RBFOX1: variants seen among roughly 807,000 people sequenced by gnomAD.
The protein encoded by RBFOX1 is RNA binding fox-1 homolog 1.
A neutral mutation model predicts 57.7 loss-of-function variants in RBFOX1; 8 were observed. The observed-to-expected ratio is 0.14, with a 90% CI of 0.08 to 0.25. The LOEUF is 0.25. Among genes scored for constraint, RBFOX1 ranks in the 10% least tolerant of loss-of-function variants. The pLI is 1.00. For synonymous variants in RBFOX1, 326 were observed against 222.4 expected (o/e 1.47, Z -4.15); for missense variants, 611 against 548.5 (o/e 1.11, Z -1.14).
chr16:7,601,160 G>A (rs4426364), intron 9 of RBFOX1, among the ~76,000 whole-genome samples: 152,136 of 152,304 alleles, frequency 1, 75,988 homozygotes, highest in Middle Eastern at 1. Context: ...AACATATTCA[G>A]CGCTCCAGAG....
At chr16:7,463,434 G>A (rs561195703) in intron 4 of RBFOX1, among the ~76,000 whole-genome samples, 3 of 152,296 alleles carry the variant, frequency 2.0e-5, no homozygotes, top group Admixed American at 6.5e-5. Flanking sequence ...AACCCGGGAC[G>A]TAGGGGTTGC....
At chr16:6,823,250 C>CTT (rs1231519052) in intron 3 of RBFOX1, among the ~76,000 whole-genome samples, 1 of 144,104 alleles carries the variant, frequency 6.9e-6, no homozygotes, top group Admixed American at 7.0e-5. Context: ...GTTTTGTTTT[C>CTT]TTTTTTTTTT....
intron 2 of RBFOX1, among the ~76,000 whole-genome samples, chr16:6,356,232 A>G (rs2087292190): frequency 6.6e-6 from 1 of 152,188 alleles, no homozygotes. Flanking sequence ...AGAGTACAGC[A>G]TGGAGAAGGG....
chr16:6,676,944 G>A lies in RBFOX1; in HGVS notation c.-16+22294G>A, dbSNP rs144165485. Among the ~76,000 whole-genome samples, 888 of 151,966 alleles carry A rather than the reference G, an allele frequency of 5.8e-3. 7 individuals are homozygous for A. Among genetic ancestry groups the A allele is most frequent in the African/African-American group, 0.02 (846 of 41,430 alleles). ...GCCCACCTCGGCCTCCCAAAGTGCT[G>A]GGATTACAGGCATGAGCCACCATGC... On this transcript the variant is annotated intron_variant, in intron 3 of 15. Transcript: ENST00000550418.
intron 2 of RBFOX1, among the ~76,000 whole-genome samples, chr16:6,479,114 G>A (rs964963217): frequency 1.1e-4 from 16 of 152,132 alleles, no homozygotes; most frequent in South Asian, 4.1e-4. Context: ...GTGTGTAAGC[G>A]TGTATACAAC....
chr16:6,945,323 C>T (rs1000053679), intron 3 of RBFOX1, among the ~76,000 whole-genome samples: 28 of 152,156 alleles, frequency 1.8e-4, no homozygotes, highest in African/African-American at 6.5e-4. Flanking sequence ...AACGCAGATG[C>T]TTACCTAGGG....
intron 2 of RBFOX1, among the ~76,000 whole-genome samples, chr16:5,583,261 C>T (rs963259602): frequency 7.2e-5 from 11 of 152,198 alleles, no homozygotes; most frequent in African/African-American, 2.7e-4. Context: ...AGAAGGACTC[C>T]ATACTTCTAT....
intron 3 of RBFOX1, among the ~76,000 whole-genome samples, chr16:7,045,656 T>C (rs2047660372): frequency 1.4e-5 from 2 of 147,168 alleles, no homozygotes; most frequent in East Asian, 2.2e-4. Flanking sequence ...TATATACTTT[T>C]TTTTTTTCAA....
At chr16:7,447,020 G>A (rs1304120894) in intron 4 of RBFOX1, among the ~76,000 whole-genome samples, 1 of 151,388 alleles carries the variant, frequency 6.6e-6, no homozygotes, top group Non-Finnish European at 1.5e-5. Flanking sequence ...CACCATGTTA[G>A]CCAGGATGGT....
chr16:6,669,498 C>T (rs183075376), intron 3 of RBFOX1, among the ~76,000 whole-genome samples: 2 of 152,010 alleles, frequency 1.3e-5, no homozygotes, highest in Non-Finnish European at 2.9e-5. Flanking sequence ...AGAGTGATTG[C>T]AGTATGATTG....
Position 6,367,702 on chromosome 16 carries a change from A to C in RBFOX1, c.-64+50645A>C, listed in dbSNP as rs1461864224. 2.0e-5 allele frequency among the ~76,000 whole-genome samples: 3 copies of C among 150,872 alleles called. No individual in the cohort carries two copies. The East Asian group carries it at 5.8e-4, about 29-fold the overall frequency. ...TCATAGGATGGGAGCCAATGCCTAC[A>C]TGTTTTCTATTGTATCTTTTGGACA... On this transcript the variant is annotated intron_variant, in intron 2 of 15. Coordinates refer to ENST00000550418, the MANE Select transcript of RBFOX1 (RefSeq NM_018723.4).
chr16:6,809,829 G>C (rs964132747), intron 3 of RBFOX1, among the ~76,000 whole-genome samples: 1 of 152,152 alleles, frequency 6.6e-6, no homozygotes, highest in Admixed American at 6.5e-5. Flanking sequence ...CTCTGGAAGA[G>C]TGCTGTCGTA....
chr16:5,480,762 C>A (rs935860434), intron 2 of RBFOX1, among the ~76,000 whole-genome samples: 1 of 152,220 alleles, frequency 6.6e-6, no homozygotes, highest in African/African-American at 2.4e-5. Flanking sequence ...TCCAGATCAG[C>A]AGAAACAGTT....
chr16:6,097,008 C>T lies in RBFOX1; in HGVS notation c.-127+77016C>T, dbSNP rs1256968206. Reference sequence around the variant, plus strand: ...CTTGAATTGTAGCTCCCATAATTCCCATGTGTTGTGTGAGGGACTTCGTGG... The same window carrying T: ...CTTGAATTGTAGCTCCCATAATTCCTATGTGTTGTGTGAGGGACTTCGTGG... On this transcript the variant is annotated intron_variant, in intron 1 of 15. Transcript: ENST00000550418. The surrounding 1 kb of genome is among the most constrained non-coding windows in gnomAD (Gnocchi z 5.0). Among the ~76,000 whole-genome samples the T allele has an allele frequency of 6.6e-6, 1 of 152,082 alleles. No individual in the cohort carries two copies. The highest frequency in any genetic ancestry group is 6.5e-5 in the Admixed American group (1 of 15,268).
At chr16:6,779,305 A>G (rs1488909643) in intron 3 of RBFOX1, among the ~76,000 whole-genome samples, 1 of 152,032 alleles carries the variant, frequency 6.6e-6, no homozygotes, top group Non-Finnish European at 1.5e-5. Flanking sequence ...AGTTGGCATC[A>G]TGTCCTCCAG....
At chr16:5,501,799 A>C (rs185432078) in intron 2 of RBFOX1, among the ~76,000 whole-genome samples, 1 of 152,056 alleles carries the variant, frequency 6.6e-6, no homozygotes, top group African/African-American at 2.4e-5. Context: ...CTGCAGTCTC[A>C]AACTCCTGGG....
At chr16:5,965,704 A>T (rs1368727082) in intron 4 of RBFOX1, among the ~76,000 whole-genome samples, 1 of 152,122 alleles carries the variant, frequency 6.6e-6, no homozygotes, top group African/African-American at 2.4e-5. Context: ...CTCATCTCTG[A>T]CTTAAGCAGA....
At chr16:6,466,087 G>A (rs527412497) in intron 2 of RBFOX1, among the ~76,000 whole-genome samples, 13 of 152,114 alleles carry the variant, frequency 8.5e-5, no homozygotes, top group South Asian at 4.2e-4. Context: ...AAATTAGCCA[G>A]GTGTGGTGGT....
intron 4 of RBFOX1, among the ~76,000 whole-genome samples, chr16:5,961,857 G>A (rs1333793239): frequency 6.6e-6 from 1 of 152,100 alleles, no homozygotes; most frequent in African/African-American, 2.4e-5. Context: ...CCTTTATCAG[G>A]TATAACTGGA....
Sources: allele counts gnomAD v4.1 joint callset (sites outside exome capture counted in the v4.1 genomes callset), GRCh38; gene constraint gnomAD v4.1.1; non-coding constraint Gnocchi (gnomAD v3.1); transcripts MANE v1.5; gene names NCBI Gene and HGNC (gene_info 2026-07-23, HGNC 2026-07-21).